Variants in GLIS3 observed in about 807,000 individuals in gnomAD.
The protein encoded by GLIS3 is GLIS family zinc finger 3.
Under a neutral mutation model 78.6 loss-of-function variants are expected in GLIS3, and 53 were observed. That is an observed-to-expected ratio of 0.67 (90% CI 0.54 to 0.85). The LOEUF (loss-of-function observed/expected upper bound fraction) is 0.85, where lower values mean the gene tolerates loss of function less well. GLIS3 is among the 40% of genes least tolerant of loss of function. The pLI, the probability that GLIS3 is intolerant of heterozygous loss-of-function variation, is 0.00. For missense variants in GLIS3, 1,703 were observed against 1,231.1 expected (o/e 1.38, Z -5.74); for synonymous variants, 684 against 509.9 (o/e 1.34, Z -4.60).
At chr9:3,924,248 A>G (rs969231423) in intron 6 of GLIS3, among the ~76,000 whole-genome samples, 2 of 152,220 alleles carry the variant, frequency 1.3e-5, no homozygotes, top group Non-Finnish European at 2.9e-5. Flanking sequence ...TTCCAAGGAT[A>G]TTACTGGTCT....
chr9:3,951,378 C>CT (rs770331586), intron 4 of GLIS3, among the ~76,000 whole-genome samples: 3 of 150,784 alleles, frequency 2.0e-5, no homozygotes, highest in Non-Finnish European at 4.4e-5. Context: ...GAAAAGAAAG[C>CT]TTTTTGTAAA....
chr9:3,923,013 A>G (rs1334599662), intron 6 of GLIS3, among the ~76,000 whole-genome samples: 1 of 152,194 alleles, frequency 6.6e-6, no homozygotes, highest in Non-Finnish European at 1.5e-5. Context: ...GAATTCCAAG[A>G]TAATTAGCCA....
intron 4 of GLIS3, among the ~76,000 whole-genome samples, chr9:4,098,341 A>G (rs553045760): frequency 1.2e-4 from 18 of 152,198 alleles, no homozygotes; most frequent in Non-Finnish European, 2.6e-4. Context: ...AAGAATTACT[A>G]ATGGGGGGCT....
At chr9:4,126,053 ATT>A (rs574545416) in intron 2 of GLIS3, 112 bp from the exon 3 acceptor site, 111 of 653,936 alleles carry the variant, frequency 1.7e-4, no homozygotes, top group South Asian at 1.6e-4. Flanking sequence ...TCCTCAGATC[ATT>A]TTTTTTTTTA....
At chr9:4,369,726 CACTG>C in the GLIS3 span, among the ~76,000 whole-genome samples, 1 of 152,164 alleles carries the variant, frequency 6.6e-6, no homozygotes, top group African/African-American at 2.4e-5. Flanking sequence ...CTTTGAAGAT[CACTG>C]ACTATCAGAA....
the GLIS3 span, among the ~76,000 whole-genome samples, chr9:4,471,761 CT>C: frequency 7.2e-5 from 11 of 152,132 alleles, no homozygotes; most frequent in Non-Finnish European, 1.6e-4. Flanking sequence ...CAAATGGGAT[CT>C]AATTAAACTA....
At chr9:4,264,768 G>A (rs1825829994) in intron 2 of GLIS3, among the ~76,000 whole-genome samples, 2 of 152,008 alleles carry the variant, frequency 1.3e-5, no homozygotes, top group Non-Finnish European at 1.5e-5. Context: ...TTACATCATA[G>A]GTATTTACTC....
intron 2 of GLIS3, among the ~76,000 whole-genome samples, chr9:4,201,151 A>T (rs115169568): frequency 6.6e-6 from 1 of 152,126 alleles, no homozygotes; most frequent in Non-Finnish European, 1.5e-5. Context: ...ATGATAAAAA[A>T]CCTCAAGAAA....
At position 3,976,948 on chromosome 9, in the gene GLIS3, C is replaced by T. The variant is rs114363361; in HGVS notation, c.1711-39759G>A. Among the ~76,000 whole-genome samples the T allele has an allele frequency of 3.2e-3, 485 of 150,612 alleles. 2 individuals are homozygous for T. The highest frequency in any genetic ancestry group is 0.012 in the African/African-American group (473 of 41,072). On this transcript the variant is annotated intron_variant, in intron 4 of 10. Transcript: ENST00000381971. Reference sequence around the variant, plus strand: ...AACTTGTTTAATCGCCCAGCAATGCCTTCCGTTCAATTTAGCCCTTGAATC... The same window carrying T: ...AACTTGTTTAATCGCCCAGCAATGCTTTCCGTTCAATTTAGCCCTTGAATC...
chr9:4,420,324 C>T, the GLIS3 span, among the ~76,000 whole-genome samples: 1 of 152,162 alleles, frequency 6.6e-6, no homozygotes, highest in Non-Finnish European at 1.5e-5. Flanking sequence ...TCTTCCATCA[C>T]TGAAGCCATA....
chr9:4,062,837 G>T (rs1186890484), intron 4 of GLIS3, among the ~76,000 whole-genome samples: 1 of 152,048 alleles, frequency 6.6e-6, no homozygotes, highest in Non-Finnish European at 1.5e-5. Flanking sequence ...GCTGAGGCAG[G>T]AGAATGGCAT....
chr9:4,124,366 A>C (rs1012714549), intron 3 of GLIS3, among the ~76,000 whole-genome samples: 2 of 152,228 alleles, frequency 1.3e-5, no homozygotes. Flanking sequence ...GGGACTGCAT[A>C]AGATACATGG....
At chr9:3,926,638 T>G (rs1157268954) in intron 6 of GLIS3, among the ~76,000 whole-genome samples, 2 of 151,912 alleles carry the variant, frequency 1.3e-5, no homozygotes, top group East Asian at 1.9e-4. Context: ...CTTTCTTTCT[T>G]TTGTCTTCTC....
chr9:3,899,068 A>G (rs1823090096), intron 6 of GLIS3: 1 of 569,922 alleles, frequency 1.8e-6, no homozygotes, highest in African/African-American at 1.9e-5. Flanking sequence ...ATTTGACTTC[A>G]GTCCTTGATA....
At chr9:4,231,066 T>G (rs555690181) in intron 2 of GLIS3, among the ~76,000 whole-genome samples, 1 of 151,204 alleles carries the variant, frequency 6.6e-6, no homozygotes, top group Non-Finnish European at 1.5e-5. Flanking sequence ...AATGAGACTG[T>G]CTGTAAAAAA....
intron 4 of GLIS3, among the ~76,000 whole-genome samples, chr9:4,023,781 G>A (rs1312357559): frequency 6.6e-6 from 1 of 152,216 alleles, no homozygotes; most frequent in Non-Finnish European, 1.5e-5. Context: ...TGAGACAGAA[G>A]CCTTTATCCA....
intron 1 of GLIS3, among the ~76,000 whole-genome samples, chr9:4,292,153 G>C (rs1462963287): frequency 2.6e-5 from 4 of 152,242 alleles, no homozygotes; most frequent in South Asian, 2.1e-4. Flanking sequence ...ATTCAATGAA[G>C]TATTCATTTT....
In GLIS3 at chr9:4,118,203, G is replaced by A. The variant is rs758380542; in HGVS notation, c.1275C>T (p.Ala425=). Residue 425 remains alanine (A), a synonymous_variant, in exon 4 of 11, where the codon GCC becomes GCT. Coordinates refer to ENST00000381971, the MANE Select transcript of GLIS3 (RefSeq NM_001042413.2). This position sits in a 1 kb window ranked among gnomAD's most constrained non-coding sequence, Gnocchi z 4.7. ...HGLPGPDSQS[A]GLFKTERLEE... ...CCAGGCGTTCGGTCTTGAACAGGCC[G>A]GCCGACTGGCTGTCGGGGCCCGGCA... 1.3e-5 allele frequency: 21 copies of A among 1,585,802 alleles called. No homozygotes were observed. In the East Asian group the frequency reaches 2.3e-4, roughly 17 times the overall value.
At chr9:3,941,247 C>A (rs892518068) in intron 4 of GLIS3, among the ~76,000 whole-genome samples, 2 of 152,164 alleles carry the variant, frequency 1.3e-5, no homozygotes. Flanking sequence ...GGACTAGCAA[C>A]CATCCTAGGA....
Sources: gnomAD v4.1 joint callset for allele counts (sites outside exome capture counted in the v4.1 genomes callset) on GRCh38, gnomAD v4.1.1 for gene constraint, Gnocchi (gnomAD v3.1) non-coding constraint, MANE v1.5 for transcripts, NCBI Gene and HGNC (gene_info 2026-07-23, HGNC 2026-07-21) for gene names.